The following SAMD12 variants were observed in gnomAD, a reference collection of about 807,000 sequenced individuals.
SAMD12 encodes the protein sterile alpha motif domain containing 12.
A neutral mutation model predicts 15.0 loss-of-function variants in SAMD12; 9 were observed. The ratio of observed to expected loss-of-function variants is 0.60; its 90% confidence interval spans 0.36 to 1.05. SAMD12 has a LOEUF of 1.05. Ranked by LOEUF, SAMD12 falls within the 50% of genes least tolerant of loss-of-function variation. SAMD12 has a pLI of 0.01. For missense variants in SAMD12, 230 were observed against 234.2 expected, an observed-to-expected ratio of 0.98 and a Z score of 0.12; for synonymous variants, 86 against 90.1, an observed-to-expected ratio of 0.96 and a Z score of 0.25.
At chr8:118,211,113 G>C (rs1426698667) in intron 4 of SAMD12, among the ~76,000 whole-genome samples, 1 of 152,196 alleles carries the variant, frequency 6.6e-6, no homozygotes, top group East Asian at 1.9e-4. Context: ...AGGGGGAGGA[G>C]CTCTCCTTGC....
At chr8:118,401,608 C>T (rs920556337) in intron 3 of SAMD12, among the ~76,000 whole-genome samples, 1 of 151,264 alleles carries the variant, frequency 6.6e-6, no homozygotes, top group African/African-American at 2.4e-5. Context: ...ACTTTGGCCT[C>T]ATGCGATCCT....
intron 4 of SAMD12, among the ~76,000 whole-genome samples, chr8:118,223,498 CA>C (rs1417000435): frequency 6.6e-6 from 1 of 152,170 alleles, no homozygotes; most frequent in Non-Finnish European, 1.5e-5. Context: ...CAGAACAATT[CA>C]GTTGATTGAT....
intron 3 of SAMD12, among the ~76,000 whole-genome samples, chr8:118,425,053 C>T (rs954395611): frequency 6.6e-6 from 1 of 151,860 alleles, no homozygotes; most frequent in Non-Finnish European, 1.5e-5. Context: ...ATTCTCCTGC[C>T]TCAGCCTCCT....
chr8:118,600,804 ATTT>A (rs994866317), intron 1 of SAMD12, among the ~76,000 whole-genome samples: 1 of 151,128 alleles, frequency 6.6e-6, no homozygotes, highest in African/African-American at 2.4e-5. Context: ...TTTAGATCTG[ATTT>A]TTTTTAAGTG....
At chr8:118,469,278 TCAG>T (rs1191957365) in intron 2 of SAMD12, among the ~76,000 whole-genome samples, 1 of 150,746 alleles carries the variant, frequency 6.6e-6, no homozygotes, top group Non-Finnish European at 1.5e-5. Flanking sequence ...TGCAGGATTT[TCAG>T]CAGAACTGTG....
intron 2 of SAMD12, among the ~76,000 whole-genome samples, chr8:118,530,445 C>G: frequency 6.6e-6 from 1 of 152,122 alleles, no homozygotes; most frequent in South Asian, 2.1e-4. Context: ...TGTCTAGCTC[C>G]CACTGATAAG....
At chr8:118,542,526 G>A (rs7826003) in intron 2 of SAMD12, among the ~76,000 whole-genome samples, 63,936 of 151,790 alleles carry the variant, frequency 0.42, 13,768 homozygotes, top group Non-Finnish European at 0.48. Flanking sequence ...ATTTGGAGAT[G>A]GGGAGAGCAC....
At chr8:118,422,359 G>A (rs1316875183) in intron 3 of SAMD12, among the ~76,000 whole-genome samples, 1 of 152,178 alleles carries the variant, frequency 6.6e-6, no homozygotes, top group Non-Finnish European at 1.5e-5. Flanking sequence ...AATAATAGCT[G>A]TCATTTATTA....
intron 2 of SAMD12, among the ~76,000 whole-genome samples, chr8:118,502,702 G>A (rs957174075): frequency 6.6e-6 from 1 of 152,180 alleles, no homozygotes. Context: ...TAATTTTGAA[G>A]AAAACATCTT....
chr8:118,329,322 G>A (rs1052880214), intron 4 of SAMD12, among the ~76,000 whole-genome samples: 4 of 151,918 alleles, frequency 2.6e-5, no homozygotes, highest in African/African-American at 9.7e-5. Context: ...TAGGTTTTTT[G>A]TATTATAAAT....
chr8:118,523,333 A>G (rs955893124), intron 2 of SAMD12, among the ~76,000 whole-genome samples: 2 of 152,136 alleles, frequency 1.3e-5, no homozygotes, highest in African/African-American at 4.8e-5. Flanking sequence ...TAGCCCATGA[A>G]ATTGAAAGTA....
intron 4 of SAMD12, among the ~76,000 whole-genome samples, chr8:118,361,873 G>A (rs1240168410): frequency 1.3e-5 from 2 of 152,126 alleles, no homozygotes; most frequent in African/African-American, 4.8e-5. Context: ...CAAATATGAT[G>A]AGCCCAAGTC....
At chr8:118,599,792 C>T (rs1256078732) in intron 1 of SAMD12, among the ~76,000 whole-genome samples, 1 of 152,150 alleles carries the variant, frequency 6.6e-6, no homozygotes, top group Non-Finnish European at 1.5e-5. Flanking sequence ...TGTTCTCTCT[C>T]CCACCATATG....
In SAMD12 at chr8:118,520,315, G is replaced by A. The variant is rs139632974; in HGVS notation, c.192+60400C>T. ...ATTTAAATCATTTAGAAGCCTACCT[G>A]AACATTCTAACATTGGGAAGGTCTG... On this transcript the variant is annotated intron_variant, in intron 2 of 3. Transcript: ENST00000314727. Among the ~76,000 whole-genome samples, 1,438 of 152,158 alleles carry A rather than the reference G, an allele frequency of 9.5e-3. 26 individuals are homozygous for A. Among genetic ancestry groups the A allele is most frequent in the Non-Finnish European group, 0.01 (699 of 68,002 alleles).
At chr8:118,366,911 A>AAATAAAATAAAATAAAATAT in intron 4 of SAMD12, among the ~76,000 whole-genome samples, 2 of 94,662 alleles carry the variant, frequency 2.1e-5, no homozygotes, top group African/African-American at 4.4e-5. Context: ...AAATAAAATA[A>AAATAAAATAAAATAAAATAT]AATAAAAATG....
intron 4 of SAMD12, among the ~76,000 whole-genome samples, chr8:118,209,497 G>C (rs901350455): frequency 6.6e-6 from 1 of 152,194 alleles, no homozygotes; most frequent in African/African-American, 2.4e-5. Flanking sequence ...ATAAAACTGT[G>C]TGGACTGGGC....
intron 1 of SAMD12, among the ~76,000 whole-genome samples, chr8:118,616,944 G>T (rs1563613899): frequency 6.6e-6 from 1 of 152,186 alleles, no homozygotes; most frequent in Non-Finnish European, 1.5e-5. Context: ...AATGCCTGAT[G>T]ATCTGAGGTG....
intron 2 of SAMD12, among the ~76,000 whole-genome samples, chr8:118,517,300 G>C (rs1430344324): frequency 6.6e-6 from 1 of 152,172 alleles, no homozygotes; most frequent in African/African-American, 2.4e-5. Flanking sequence ...CAGGTTCAAA[G>C]GTCAATCACA....
At chr8:118,521,493 C>T (rs1445840039) in intron 2 of SAMD12, among the ~76,000 whole-genome samples, 4 of 152,318 alleles carry the variant, frequency 2.6e-5, no homozygotes, top group African/African-American at 9.6e-5. Flanking sequence ...TTCTTCCATT[C>T]TCGCTTTTAC....
Sources: gnomAD v4.1 joint callset for allele counts (sites outside exome capture counted in the v4.1 genomes callset) on GRCh38, gnomAD v4.1.1 for gene constraint, MANE v1.5 for transcripts, NCBI Gene and HGNC (gene_info 2026-07-23, HGNC 2026-07-21) for gene names.